ITGA9: variants seen among roughly 807,000 people sequenced by gnomAD.
ITGA9 encodes integrin alpha-9.
In ITGA9, 56 loss-of-function variants were observed where a neutral mutation model predicts 127.8. The ratio of observed to expected loss-of-function variants is 0.44; its 90% confidence interval spans 0.35 to 0.55. ITGA9 has a LOEUF of 0.55. Ranked by LOEUF, ITGA9 falls within the 20% of genes least tolerant of loss-of-function variation. ITGA9 has a pLI of 0.00. For synonymous variants in ITGA9, 508 were observed against 514.5 expected, an observed-to-expected ratio of 0.99 and a Z score of 0.17; for missense variants, 1,196 against 1,347.1, an observed-to-expected ratio of 0.89 and a Z score of 1.76.
intron 22 of ITGA9, among the ~76,000 whole-genome samples, chr3:37,747,912 G>C (rs1696525234): frequency 6.6e-6 from 1 of 151,684 alleles, no homozygotes; most frequent in African/African-American, 2.4e-5. Flanking sequence ...TTGTGGAGAG[G>C]GGGTCGGGTT....
intron 15 of ITGA9, among the ~76,000 whole-genome samples, chr3:37,562,442 T>C (rs1447404045): frequency 2.0e-5 from 3 of 152,198 alleles, no homozygotes; most frequent in Non-Finnish European, 4.4e-5. Flanking sequence ...AGTTGACCTT[T>C]TAGATACTTT....
chr3:37,509,988 T>G (rs970432263), intron 8 of ITGA9, among the ~76,000 whole-genome samples: 1 of 151,868 alleles, frequency 6.6e-6, no homozygotes, highest in African/African-American at 2.4e-5. Flanking sequence ...TCCCTTCAAA[T>G]GTACCTGGGT....
chr3:37,578,062 A>G (rs1699670049), intron 15 of ITGA9, among the ~76,000 whole-genome samples: 1 of 152,200 alleles, frequency 6.6e-6, no homozygotes, highest in African/African-American at 2.4e-5. Context: ...AGGAACTGAT[A>G]CTTAATAAAG....
intron 3 of ITGA9, among the ~76,000 whole-genome samples, chr3:37,479,221 T>C (rs1240503386): frequency 6.6e-6 from 1 of 152,236 alleles, no homozygotes; most frequent in East Asian, 1.9e-4. Context: ...AGTGATTATT[T>C]ACTTAGTGAT....
chr3:37,685,310 C>T (rs1197161863), intron 18 of ITGA9, among the ~76,000 whole-genome samples: 1 of 152,172 alleles, frequency 6.6e-6, no homozygotes. Flanking sequence ...CAAAACTTTC[C>T]AAGAAGTCAT....
At chr3:37,772,814 A>G (rs542830317) in intron 23 of ITGA9, among the ~76,000 whole-genome samples, 1 of 152,276 alleles carries the variant, frequency 6.6e-6, no homozygotes, top group South Asian at 2.1e-4. Context: ...CAACTGGCCA[A>G]GATTTTCATT....
rs188368836 is a variant in ITGA9, at chr3:37,587,217, G to A, written c.1690-41970G>A. On this transcript the variant is annotated intron_variant, in intron 15 of 27. Coordinates refer to ENST00000264741, the MANE Select transcript of ITGA9 (RefSeq NM_002207.3). ...AAAATGGTATGTATGCCCCAGGACAGAGATTAGGCTATGGTGGGCATTTGA... is the reference window on the plus strand; with the variant it reads ...AAAATGGTATGTATGCCCCAGGACAAAGATTAGGCTATGGTGGGCATTTGA... Among the ~76,000 whole-genome samples the A allele has an allele frequency of 1.6e-4, 25 of 152,304 alleles. No homozygotes were observed. The East Asian group carries it at 3.1e-3, about 19-fold the overall frequency.
At chr3:37,530,370 A>G (rs1270182129) in intron 13 of ITGA9, among the ~76,000 whole-genome samples, 2 of 152,158 alleles carry the variant, frequency 1.3e-5, no homozygotes, top group Non-Finnish European at 2.9e-5. Context: ...GCACACATAG[A>G]TATATATTGC....
In ITGA9 at chr3:37,820,191, G is replaced by A. The variant is rs1380493208; in HGVS notation, c.*1202G>A. ...AGGAAGGAGACAAAGCCAGGCAAAT[G>A]TTTGTCATTTCAGGGAGAGCTCCAT... On this transcript the variant is annotated 3_prime_UTR_variant, in exon 28 of 28. Coordinates refer to ENST00000264741, the MANE Select transcript of ITGA9 (RefSeq NM_002207.3). 1.3e-5 allele frequency: 2 copies of A among 152,310 alleles called. No homozygotes were observed. Among genetic ancestry groups the A allele is most frequent in the African/African-American group, 2.4e-5 (1 of 41,458 alleles). 9.4% of individuals were successfully genotyped at this position (152,310 alleles called of 1,614,324 possible). A position where few individuals can be genotyped will look rare whatever the true frequency, so the allele number is the denominator to read the frequency against.
rs1344371474 is a variant in ITGA9 at position 37,819,646 on chromosome 3, G to A, written c.*657G>A. 6.6e-6 allele frequency: 1 copy of A among 152,488 alleles called. No homozygotes were observed. Among genetic ancestry groups the A allele is most frequent in the Non-Finnish European group, 1.5e-5 (1 of 68,274 alleles). The allele number at this position is 152,488 out of a possible 1,614,324, so 9.4% of individuals were successfully genotyped here. A position where few individuals can be genotyped will look rare whatever the true frequency, so the allele number is the denominator to read the frequency against. On this transcript the variant is annotated 3_prime_UTR_variant, in exon 28 of 28. Transcript: ENST00000264741. ...ACATGCTAATGTGTGCTAAAGAACT[G>A]TAAGTGTTTTTTCATATGTACTTTT... is the stretch of plus-strand genomic sequence containing the variant.
At chr3:37,739,833 G>T (rs1171652122) in intron 20 of ITGA9, among the ~76,000 whole-genome samples, 1 of 152,216 alleles carries the variant, frequency 6.6e-6, no homozygotes, top group Non-Finnish European at 1.5e-5. Context: ...GCGGGAGTGG[G>T]CCAGGATGGT....
intron 23 of ITGA9, among the ~76,000 whole-genome samples, chr3:37,752,102 G>A (rs1457591614): frequency 6.6e-6 from 1 of 152,190 alleles, no homozygotes; most frequent in Non-Finnish European, 1.5e-5. Context: ...TTGTTTCAGA[G>A]GCCCACAGCT....
At chr3:37,785,181 A>G (rs1697024989) in intron 26 of ITGA9, 103 bp downstream of exon 26, 7 of 855,256 alleles carry the variant, frequency 8.2e-6, no homozygotes, top group Non-Finnish European at 1.4e-5. Flanking sequence ...TCTCTGAGCC[A>G]AGATGTTGGG....
At chr3:37,656,483 GCTCT>G (rs1345207020) in intron 17 of ITGA9, among the ~76,000 whole-genome samples, 2 of 152,048 alleles carry the variant, frequency 1.3e-5, no homozygotes, top group Non-Finnish European at 2.9e-5. Flanking sequence ...TCATGATTTG[GCTCT>G]CTGTTTGTCT....
rs760276271 is a variant in ITGA9 at position 37,454,764 on chromosome 3, G to C, written c.185+2205G>C. On this transcript the variant is annotated intron_variant, in intron 1 of 27. Coordinates refer to ENST00000264741, the MANE Select transcript of ITGA9 (RefSeq NM_002207.3). Reference sequence around the variant, plus strand: ...CCTTGATTTCTGTTCTCATGCTGTTGTTTTCAAGTATTTTCCTCCCCATCC... The same window carrying C: ...CCTTGATTTCTGTTCTCATGCTGTTCTTTTCAAGTATTTTCCTCCCCATCC... 2.6e-5 allele frequency among the ~76,000 whole-genome samples: 4 copies of C among 152,032 alleles called. No individual in the cohort carries two copies. In the East Asian group the frequency reaches 7.7e-4, roughly 29 times the overall value.
chr3:37,622,541 A>G (rs951441472), intron 15 of ITGA9, among the ~76,000 whole-genome samples: 1 of 152,138 alleles, frequency 6.6e-6, no homozygotes, highest in Non-Finnish European at 1.5e-5. Flanking sequence ...CATAGTTGCC[A>G]TTTAAAAAAT....
chr3:37,779,979 T>A lies in ITGA9; in HGVS notation c.2745T>A (p.Thr915=). 1.2e-6 allele frequency: 2 copies of A among 1,614,066 alleles called. No individual in the cohort carries two copies. The highest frequency in any genetic ancestry group is 1.7e-6 in the Non-Finnish European group (2 of 1,179,928). Residue 915 remains threonine (T), a synonymous_variant, in exon 25 of 28, where the codon ACT becomes ACA. Transcript: ENST00000264741. ...CTCTTGCTAAAGAAGAAAGTCGTACTATAGACATTTACATGCTGCTGAACA... is the reference window on the plus strand; with the variant it reads ...CTCTTGCTAAAGAAGAAAGTCGTACAATAGACATTTACATGCTGCTGAACA... ...FSALAKEESR[T]IDIYMLLNTE...
chr3:37,462,365 C>T (rs979790450), intron 1 of ITGA9, among the ~76,000 whole-genome samples: 3 of 152,220 alleles, frequency 2.0e-5, no homozygotes, highest in Non-Finnish European at 4.4e-5. Flanking sequence ...TTGTACTGCT[C>T]TCCCTCCATT....
At chr3:37,650,032 A>G (rs1004302610) in intron 16 of ITGA9, among the ~76,000 whole-genome samples, 7 of 152,198 alleles carry the variant, frequency 4.6e-5, no homozygotes, top group African/African-American at 1.7e-4. Flanking sequence ...ATTGGAGGAC[A>G]TCTCTGAGGT....
Sources: gnomAD v4.1 joint callset for allele counts (sites outside exome capture counted in the v4.1 genomes callset) on GRCh38, gnomAD v4.1.1 for gene constraint, MANE v1.5 for transcripts, NCBI Gene and HGNC (gene_info 2026-07-23, HGNC 2026-07-21) for gene names.